GPHN: variants seen among roughly 807,000 people sequenced by gnomAD.
GPHN encodes the protein gephyrin.
GPHN carries 17 observed loss-of-function variants against 95.5 expected under a neutral mutation model. The observed-to-expected ratio is 0.18, with a 90% CI of 0.12 to 0.27. The LOEUF is 0.27. Ranked by LOEUF, GPHN falls within the 10% of genes least tolerant of loss-of-function variation. GPHN has a pLI of 1.00. For synonymous variants in GPHN, 320 were observed against 322.5 expected, an observed-to-expected ratio of 0.99 and a Z score of 0.08; for missense variants, 660 against 978.1, an observed-to-expected ratio of 0.67 and a Z score of 4.34.
chr14:66,723,036 A>G (rs2070895151), intron 2 of GPHN, among the ~76,000 whole-genome samples: 1 of 152,072 alleles, frequency 6.6e-6, no homozygotes, highest in East Asian at 1.9e-4. Flanking sequence ...TACTTTGCAT[A>G]TAGGGTTTTT....
At chr14:67,628,005 A>C in the GPHN span, among the ~76,000 whole-genome samples, 4 of 152,196 alleles carry the variant, frequency 2.6e-5, no homozygotes, top group African/African-American at 7.2e-5. Context: ...TTTCCTTTAG[A>C]GATCTAGCAA....
At chr14:66,578,470 A>G (rs192357349) in intron 1 of GPHN, among the ~76,000 whole-genome samples, 2 of 151,922 alleles carry the variant, frequency 1.3e-5, no homozygotes, top group Non-Finnish European at 3.0e-5. Context: ...GGAAGCTCAA[A>G]GGTCTCCAGT....
At chr14:66,711,288 A>T (rs917627376) in intron 2 of GPHN, among the ~76,000 whole-genome samples, 3 of 152,154 alleles carry the variant, frequency 2.0e-5, no homozygotes, top group Non-Finnish European at 4.4e-5. Context: ...AGAATATACA[A>T]TGTTTGGTTT....
intron 1 of GPHN, among the ~76,000 whole-genome samples, chr14:66,617,984 G>C: frequency 6.6e-6 from 1 of 152,110 alleles, no homozygotes; most frequent in Admixed American, 6.5e-5. Flanking sequence ...TGATATCAAG[G>C]TTATTTTGGG....
the GPHN span, among the ~76,000 whole-genome samples, chr14:67,433,636 A>T: frequency 6.6e-6 from 1 of 152,196 alleles, no homozygotes; most frequent in Non-Finnish European, 1.5e-5. Context: ...TATCAAAAAA[A>T]TTTTTGTGGG....
the GPHN span, among the ~76,000 whole-genome samples, chr14:67,483,422 G>T: frequency 1.3e-5 from 2 of 152,208 alleles, no homozygotes; most frequent in African/African-American, 2.4e-5. Flanking sequence ...GAGGCTGACT[G>T]CAGGCTCCTC....
At chr14:67,050,226 G>T (rs1350034665) in intron 10 of GPHN, among the ~76,000 whole-genome samples, 1 of 152,046 alleles carries the variant, frequency 6.6e-6, no homozygotes, top group Non-Finnish European at 1.5e-5. Context: ...TATACTATAG[G>T]TCTATAAAAA....
At chr14:67,712,946 T>G in the GPHN span, among the ~76,000 whole-genome samples, 1 of 152,166 alleles carries the variant, frequency 6.6e-6, no homozygotes, top group Non-Finnish European at 1.5e-5. Context: ...CCACCCTTTT[T>G]TGTGTGTGGG....
the GPHN span, among the ~76,000 whole-genome samples, chr14:67,414,803 C>T: frequency 2.6e-5 from 4 of 152,354 alleles, no homozygotes; most frequent in South Asian, 8.3e-4. Context: ...CTTGAGTTTA[C>T]CGGAATCACA....
the GPHN span, among the ~76,000 whole-genome samples, chr14:67,493,407 A>G: frequency 2.0e-5 from 3 of 152,166 alleles, no homozygotes; most frequent in African/African-American, 7.2e-5. Context: ...AACCCCAGCC[A>G]ACACAGGGAG....
the GPHN span, chr14:67,577,429 C>T: frequency 8.8e-6 from 13 of 1,478,214 alleles, no homozygotes; most frequent in South Asian, 3.6e-5. Flanking sequence ...ATTGGGGTGG[C>T]GGCCAGGCCC....
chr14:66,696,875 T>A (rs1187379515), intron 2 of GPHN, among the ~76,000 whole-genome samples: 1 of 152,230 alleles, frequency 6.6e-6, no homozygotes, highest in East Asian at 1.9e-4. Flanking sequence ...GTATGTAGAT[T>A]TGTGGTTTAT....
At chr14:67,571,529 G>C in the GPHN span, 5 of 483,384 alleles carry the variant, frequency 1.0e-5, no homozygotes, top group Non-Finnish European at 1.5e-5. Flanking sequence ...AGCTGCTTTG[G>C]GGACCACAGA....
Position 66,523,220 on chromosome 14 carries a change from A to G in GPHN, c.64+14629A>G, listed in dbSNP as rs528034949. Among the ~76,000 whole-genome samples, 608 of 152,234 alleles carry G rather than the reference A, an allele frequency of 4.0e-3. 3 individuals carry two copies. Among genetic ancestry groups the G allele is most frequent in the Non-Finnish European group, 6.7e-3 (457 of 67,952 alleles). On this transcript the variant is annotated intron_variant, in intron 1 of 22. Coordinates refer to ENST00000478722, the MANE Select transcript of GPHN (RefSeq NM_020806.5). ...GTTACTTCCACTGCACAATATGTGC[A>G]ATTTTATTTCATTCAATATCATGTG...
At chr14:66,669,501 T>A (rs948405328) in intron 1 of GPHN, among the ~76,000 whole-genome samples, 2 of 75,816 alleles carry the variant, frequency 2.6e-5, no homozygotes, top group East Asian at 6.7e-4. Context: ...TGAGTTGTTA[T>A]TTTTTTTTAA....
intron 15 of GPHN, among the ~76,000 whole-genome samples, chr14:67,112,121 G>C (rs1017995357): frequency 1.3e-5 from 2 of 152,126 alleles, no homozygotes; most frequent in Admixed American, 6.5e-5. Flanking sequence ...GTAAAGGCGA[G>C]TTAGTCAAAA....
At chr14:67,110,340 A>G (rs2078295143) in intron 14 of GPHN, 81 bp downstream of exon 14, 2 of 1,499,842 alleles carry the variant, frequency 1.3e-6, no homozygotes, top group African/African-American at 1.4e-5. Flanking sequence ...TGTTTGTGAG[A>G]TTAACCCAGT....
At chr14:67,541,955 C>T in the GPHN span, 10 of 1,607,892 alleles carry the variant, frequency 6.2e-6, no homozygotes, top group Non-Finnish European at 8.5e-6. Context: ...CCGGTTCCGC[C>T]TACAGGCCAG....
rs145982336 is a variant in GPHN, at chr14:66,684,738, A to G, written c.143+3553A>G. 3.2e-3 allele frequency among the ~76,000 whole-genome samples: 452 copies of G among 140,906 alleles called. 3 individuals are homozygous for G. Among genetic ancestry groups the G allele is most frequent in the African/African-American group, 0.014 (434 of 31,918 alleles). 92.4% of individuals were successfully genotyped at this position (140,906 alleles called of 152,430 possible). On this transcript the variant is annotated intron_variant, in intron 2 of 22. Transcript: ENST00000478722. ...CTAAGCAAGACTTTCTGGTCTTGCT[A>G]CTAACTTTTCTTTTTTTTTTTTCTT...
Sources: gnomAD v4.1 joint callset for allele counts (sites outside exome capture counted in the v4.1 genomes callset) on GRCh38, gnomAD v4.1.1 for gene constraint, MANE v1.5 for transcripts, NCBI Gene and HGNC (gene_info 2026-07-23, HGNC 2026-07-21) for gene names.